The following WDR7 variants were observed in gnomAD, a reference collection of about 807,000 sequenced individuals.
WDR7 encodes the protein WD repeat domain 7, also known as WD repeat-containing protein 7.
A neutral mutation model predicts 169.4 loss-of-function variants in WDR7; 46 were observed. That is an observed-to-expected ratio of 0.27 (90% CI 0.21 to 0.35). The LOEUF (loss-of-function observed/expected upper bound fraction) is 0.35, where lower values mean the gene tolerates loss of function less well. WDR7 is among the 10% of genes least tolerant of loss of function. The pLI is 1.00. For synonymous variants in WDR7, 612 were observed against 666.8 expected (o/e 0.92, Z 1.27); for missense variants, 1,534 against 1,859.3 (o/e 0.83, Z 3.22).
chr18:56,783,434 C>A (rs2044349396), intron 19 of WDR7, among the ~76,000 whole-genome samples: 1 of 151,972 alleles, frequency 6.6e-6, no homozygotes, highest in Admixed American at 6.6e-5. Context: ...AATATAAGAT[C>A]CCCAAAATTA....
chr18:56,894,659 G>A (rs1224872604), intron 21 of WDR7, among the ~76,000 whole-genome samples: 1 of 151,940 alleles, frequency 6.6e-6, no homozygotes, highest in Non-Finnish European at 1.5e-5. Context: ...ATTTACAGTA[G>A]TTATTCTACC....
Position 56,679,352 on chromosome 18 carries a change from G to T in WDR7, c.180G>T (p.Leu60Phe), listed in dbSNP as rs1239835831. 1 of 1,611,106 alleles carries T rather than the reference G, an allele frequency of 6.2e-7. No individual in the cohort carries two copies. Among genetic ancestry groups the T allele is most frequent in the African/African-American group, 1.3e-5 (1 of 74,898 alleles). Residue 60 changes from leucine (L) to phenylalanine (F), a missense_variant, in exon 3 of 28, where the codon TTG becomes TTT. Coordinates refer to ENST00000254442, the MANE Select transcript of WDR7 (RefSeq NM_015285.3). ...VELQINPRAL[L>F]FGHTASITCL... ...TCTAGATTAATCCTCGAGCACTGTTGTTTGGTCATACAGCATCAATCACTT... is the reference window on the plus strand; with the variant it reads ...TCTAGATTAATCCTCGAGCACTGTTTTTTGGTCATACAGCATCAATCACTT...
At chr18:56,692,303 T>A (rs1321610908) in intron 9 of WDR7, among the ~76,000 whole-genome samples, 6 of 152,110 alleles carry the variant, frequency 3.9e-5, no homozygotes, top group Admixed American at 1.3e-4. Flanking sequence ...TCTATAAAAA[T>A]AAAAGTTTAT....
At chr18:56,945,873 T>C (rs916053110) in intron 25 of WDR7, among the ~76,000 whole-genome samples, 2 of 152,182 alleles carry the variant, frequency 1.3e-5, no homozygotes, top group African/African-American at 4.8e-5. Context: ...CCATGTTGTG[T>C]TATGTAAAAC....
intron 16 of WDR7, among the ~76,000 whole-genome samples, chr18:56,764,511 T>C (rs138793998): frequency 0.013 from 1,968 of 152,292 alleles, 21 homozygotes; most frequent in East Asian, 0.033. Flanking sequence ...AATTAACATA[T>C]CTATGACCTC....
Position 56,760,323 on chromosome 18 carries a change from T to C in WDR7, c.2848+1370T>C, listed in dbSNP as rs1435169449. On this transcript the variant is annotated intron_variant, in intron 16 of 27. Transcript: ENST00000254442. The stretch of plus-strand genomic sequence containing the variant: ...CTTCCTCTTCTAGAGGTAATCACTA[T>C]CTTGACTTTTGTGAAGCCACTTCTT... 5.3e-5 allele frequency among the ~76,000 whole-genome samples: 8 copies of C among 152,224 alleles called. No homozygotes were observed. In the East Asian group the frequency reaches 1.5e-3, roughly 29 times the overall value.
chr18:56,674,009 A>G (rs985260976), intron 2 of WDR7, among the ~76,000 whole-genome samples: 4 of 152,208 alleles, frequency 2.6e-5, no homozygotes, highest in Non-Finnish European at 5.9e-5. Flanking sequence ...CCCACATTGT[A>G]GCATGTATCA....
chr18:56,874,529 A>G (rs981527187), intron 20 of WDR7, among the ~76,000 whole-genome samples: 22 of 152,218 alleles, frequency 1.4e-4, no homozygotes, highest in African/African-American at 5.3e-4. Flanking sequence ...TTCACAAAAT[A>G]TGATTTATCA....
chr18:57,011,699 A>G (rs560429431), intron 26 of WDR7, among the ~76,000 whole-genome samples: 1 of 152,328 alleles, frequency 6.6e-6, no homozygotes, highest in Admixed American at 6.5e-5. Flanking sequence ...TCAACTCTCA[A>G]ATCTCTGTTC....
intron 25 of WDR7, among the ~76,000 whole-genome samples, chr18:56,957,010 AT>A (rs1476149601): frequency 6.6e-6 from 1 of 152,196 alleles, no homozygotes; most frequent in African/African-American, 2.4e-5. Flanking sequence ...AAATGTACAT[AT>A]GCTTTGATGC....
At chr18:56,737,557 G>A (rs2026727399) in intron 14 of WDR7, among the ~76,000 whole-genome samples, 1 of 152,030 alleles carries the variant, frequency 6.6e-6, no homozygotes, top group African/African-American at 2.4e-5. Context: ...CTCTCATGTT[G>A]TCTAATTAGT....
chr18:57,002,409 G>T (rs947983418), intron 26 of WDR7, among the ~76,000 whole-genome samples: 1 of 152,068 alleles, frequency 6.6e-6, no homozygotes, highest in East Asian at 1.9e-4. Context: ...TAAAAACTAG[G>T]ACAGGAGTTA....
intron 1 of WDR7, among the ~76,000 whole-genome samples, chr18:56,662,640 A>C (rs537739652): frequency 7.4e-4 from 113 of 152,308 alleles, no homozygotes; most frequent in Middle Eastern, 3.4e-3. Context: ...ACTTGAGGCA[A>C]ACGTTAGATC....
chr18:56,704,751 T>G (rs151076135), intron 12 of WDR7, among the ~76,000 whole-genome samples: 1 of 152,208 alleles, frequency 6.6e-6, no homozygotes, highest in Non-Finnish European at 1.5e-5. Flanking sequence ...CCAAACATTT[T>G]AAAAAATTAG....
At chr18:56,775,991 T>C (rs949060486) in intron 16 of WDR7, among the ~76,000 whole-genome samples, 2 of 152,190 alleles carry the variant, frequency 1.3e-5, no homozygotes, top group Admixed American at 6.6e-5. Flanking sequence ...CCTCTAAATC[T>C]TAACATTGAC....
chr18:56,938,470 A>T, intron 23 of WDR7, 63 bp from the exon 24 acceptor site: 1 of 1,568,206 alleles, frequency 6.4e-7, no homozygotes, highest in Non-Finnish European at 8.6e-7. Flanking sequence ...AAAATAAACC[A>T]TGGCTAGAAA....
At chr18:56,964,226 AAG>A (rs1170818927) in intron 26 of WDR7, among the ~76,000 whole-genome samples, 11 of 151,966 alleles carry the variant, frequency 7.2e-5, no homozygotes, top group Non-Finnish European at 1.2e-4. Flanking sequence ...AAAAAAAAAA[AAG>A]AATATTTTTG....
chr18:56,863,058 G>T (rs911649587), intron 20 of WDR7, among the ~76,000 whole-genome samples: 2 of 151,690 alleles, frequency 1.3e-5, no homozygotes, highest in African/African-American at 4.8e-5. Flanking sequence ...AGAATGAATT[G>T]CTTTTATTGA....
At position 56,720,836 on chromosome 18, in the gene WDR7, G is replaced by T. The variant is rs185141560; in HGVS notation, c.1774+2677G>T. ...TGTAATATTGAAATTACATGCTGAA[G>T]ATTTGGGTAAACAATCAGTCAATAT... On this transcript the variant is annotated intron_variant, in intron 13 of 27. Transcript: ENST00000254442. Among the ~76,000 whole-genome samples, 40 of 150,232 alleles carry T rather than the reference G, an allele frequency of 2.7e-4. No individual in the cohort carries two copies. The East Asian group carries it at 7.2e-3, about 27-fold the overall frequency.
Sources: allele counts gnomAD v4.1 joint callset (sites outside exome capture counted in the v4.1 genomes callset), GRCh38; gene constraint gnomAD v4.1.1; transcripts MANE v1.5; gene names NCBI Gene and HGNC (gene_info 2026-07-23, HGNC 2026-07-21).